TWSG1: variants seen among roughly 807,000 people sequenced by gnomAD.
The protein encoded by TWSG1 is twisted gastrulation protein homolog 1.
A neutral mutation model predicts 23.0 loss-of-function variants in TWSG1; 15 were observed. That is an observed-to-expected ratio of 0.65 (90% CI 0.44 to 1.00). TWSG1 has a LOEUF of 1.00. Ranked by LOEUF, TWSG1 falls within the 50% of genes least tolerant of loss-of-function variation. TWSG1 has a pLI of 0.00. For synonymous variants in TWSG1, 86 were observed against 92.8 expected (o/e 0.93, Z 0.42); for missense variants, 242 against 278.7 (o/e 0.87, Z 0.94).
At chr18:9,386,996 G>A (rs895351078) in intron 3 of TWSG1, among the ~76,000 whole-genome samples, 8 of 152,140 alleles carry the variant, frequency 5.3e-5, no homozygotes, top group African/African-American at 1.9e-4. Flanking sequence ...AATTAGTAGA[G>A]GATCAATCAA....
intron 2 of TWSG1, among the ~76,000 whole-genome samples, chr18:9,352,253 TGTTGG>T (rs1318456632): frequency 1.3e-5 from 2 of 152,182 alleles, no homozygotes; most frequent in African/African-American, 2.4e-5. Flanking sequence ...TTATTGTGTG[TGTTGG>T]GTAGTTCTTT....
rs1274974461 is a variant in TWSG1, at chr18:9,385,637, C to T, written c.224-10643C>T. Among the ~76,000 whole-genome samples, 4 of 98,628 alleles carry T rather than the reference C, an allele frequency of 4.1e-5. 1 individual carries two copies. Among genetic ancestry groups the T allele is most frequent in the Admixed American group, 2.6e-4 (2 of 7,768 alleles). The allele number at this position is 98,628 out of a possible 152,430, so 64.7% of individuals were successfully genotyped here. ...CCGGGAAGCGGAGCTTGCAGTGAGC[C>T]GAGATTGCGCCACTGCAGTCCGCAG... On this transcript the variant is annotated intron_variant, in intron 3 of 4. Transcript: ENST00000262120.
At position 9,372,199 on chromosome 18, in the gene TWSG1, GAGA is replaced by G. The variant is rs1357353458; in HGVS notation, c.223+12129_223+12131del. Reference sequence around the variant, plus strand: ...TACAGTAGTTCCCCCTTATCGGTGGGAGATACATTCCAGGGCCCACAGTGAATT... The same window carrying G: ...TACAGTAGTTCCCCCTTATCGGTGGGTACATTCCAGGGCCCACAGTGAATT... On this transcript the variant is annotated intron_variant, in intron 3 of 4. Coordinates refer to ENST00000262120, the MANE Select transcript of TWSG1 (RefSeq NM_020648.6). Among the ~76,000 whole-genome samples, 3 of 151,308 alleles carry G rather than the reference GAGA, an allele frequency of 2.0e-5. No individual in the cohort carries two copies. The East Asian group carries it at 5.8e-4, about 29-fold the overall frequency.
At chr18:9,379,083 A>G (rs1020187834) in intron 3 of TWSG1, among the ~76,000 whole-genome samples, 10 of 152,224 alleles carry the variant, frequency 6.6e-5, no homozygotes, top group African/African-American at 2.4e-4. Context: ...GGGAGTGTAA[A>G]TTAGTTCAAC....
intron 2 of TWSG1, among the ~76,000 whole-genome samples, chr18:9,351,733 T>C (rs1598822814): frequency 6.6e-6 from 1 of 151,688 alleles, no homozygotes; most frequent in African/African-American, 2.4e-5. Flanking sequence ...CAACCTCTGC[T>C]TCCTGGGTTC....
At chr18:9,356,370 A>G (rs1568033212) in intron 2 of TWSG1, among the ~76,000 whole-genome samples, 1 of 152,192 alleles carries the variant, frequency 6.6e-6, no homozygotes, top group Non-Finnish European at 1.5e-5. Context: ...TGTTCGCAGT[A>G]ATCTCATTCT....
At chr18:9,347,805 C>G (rs2145596391) in intron 2 of TWSG1, among the ~76,000 whole-genome samples, 1 of 151,822 alleles carries the variant, frequency 6.6e-6, no homozygotes, top group East Asian at 1.9e-4. Flanking sequence ...GTTAATTTTT[C>G]CTATTAATAT....
chr18:9,357,100 T>G (rs1001562925), intron 2 of TWSG1, among the ~76,000 whole-genome samples: 2 of 152,134 alleles, frequency 1.3e-5, no homozygotes, highest in African/African-American at 4.8e-5. Flanking sequence ...TTTCTACATT[T>G]CCAACTAAGT....
chr18:9,336,179 G>T (rs1464453231), intron 1 of TWSG1, among the ~76,000 whole-genome samples: 1 of 152,132 alleles, frequency 6.6e-6, no homozygotes, highest in African/African-American at 2.4e-5. Flanking sequence ...ATCACCTGAG[G>T]TCAGGAGATC....
intron 3 of TWSG1, among the ~76,000 whole-genome samples, chr18:9,361,564 C>G (rs1213671816): frequency 6.6e-6 from 1 of 152,198 alleles, no homozygotes; most frequent in Non-Finnish European, 1.5e-5. Flanking sequence ...AGATCTTTCC[C>G]TTTAGGGTTG....
chr18:9,371,772 CTT>C (rs11379317), intron 3 of TWSG1, among the ~76,000 whole-genome samples: 52 of 134,716 alleles, frequency 3.9e-4, no homozygotes, highest in South Asian at 1.4e-3. Flanking sequence ...CATTTTTATT[CTT>C]TTTTTTTTTT....
intron 3 of TWSG1, among the ~76,000 whole-genome samples, chr18:9,361,462 T>G (rs2040552022): frequency 6.6e-6 from 1 of 152,248 alleles, no homozygotes; most frequent in Non-Finnish European, 1.5e-5. Context: ...ACTTAATCCA[T>G]GGACAGGGCA....
chr18:9,363,461 C>CTCTA (rs2040562256), intron 3 of TWSG1, among the ~76,000 whole-genome samples: 1 of 152,028 alleles, frequency 6.6e-6, no homozygotes, highest in African/African-American at 2.4e-5. Context: ...TGGTATATGT[C>CTCTA]TCTATCTTCC....
chr18:9,335,895 A>G (rs1490716840), intron 1 of TWSG1, among the ~76,000 whole-genome samples: 2 of 152,196 alleles, frequency 1.3e-5, no homozygotes, highest in Non-Finnish European at 1.5e-5. Context: ...CTCTTACGTC[A>G]GTAGTCATTT....
At chr18:9,339,948 A>G (rs2040438846) in intron 2 of TWSG1, among the ~76,000 whole-genome samples, 1 of 152,350 alleles carries the variant, frequency 6.6e-6, no homozygotes, top group South Asian at 2.1e-4. Context: ...ATTTTCAGTC[A>G]CAAATTCATG....
chr18:9,390,369 G>C (rs1400758189), intron 3 of TWSG1, among the ~76,000 whole-genome samples: 1 of 152,158 alleles, frequency 6.6e-6, no homozygotes, highest in Non-Finnish European at 1.5e-5. Context: ...CACCACGTTA[G>C]CCAGGATGGT....
At position 9,364,795 on chromosome 18, in the gene TWSG1, G is replaced by GA. The variant is rs776416088; in HGVS notation, c.223+4735dup. On this transcript the variant is annotated intron_variant, in intron 3 of 4. Coordinates refer to ENST00000262120, the MANE Select transcript of TWSG1 (RefSeq NM_020648.6). ...GGTGACAGAGGGAGACTCTGTCTCA[G>GA]AAAAAAAAAAAGAAGAAGAAGAAAA... Among the ~76,000 whole-genome samples, 262 of 140,044 alleles carry GA rather than the reference G, an allele frequency of 1.9e-3. 3 individuals are homozygous for GA. The highest frequency in any genetic ancestry group is 7.2e-3 in the Middle Eastern group (2 of 278). The allele number at this position is 140,044 out of a possible 152,430, so 91.9% of individuals were successfully genotyped here. A position where few individuals can be genotyped will look rare whatever the true frequency, so the allele number is the denominator to read the frequency against.
chr18:9,381,796 G>A (rs953410622), intron 3 of TWSG1, among the ~76,000 whole-genome samples: 1 of 151,704 alleles, frequency 6.6e-6, no homozygotes, highest in South Asian at 2.1e-4. Flanking sequence ...ACCTATTTTT[G>A]AAATATACAT....
At chr18:9,351,558 T>C (rs551643212) in intron 2 of TWSG1, among the ~76,000 whole-genome samples, 51 of 152,244 alleles carry the variant, frequency 3.3e-4, no homozygotes, top group African/African-American at 1.2e-3. Context: ...CTTAATGCTT[T>C]ATATTTTTCA....
Sources: allele counts gnomAD v4.1 joint callset (sites outside exome capture counted in the v4.1 genomes callset), GRCh38; gene constraint gnomAD v4.1.1; transcripts MANE v1.5; gene names NCBI Gene and HGNC (gene_info 2026-07-23, HGNC 2026-07-21).